The following RHOBTB2 variants were observed in gnomAD, a reference collection of about 807,000 sequenced individuals.
RHOBTB2 encodes the protein Rho related BTB domain containing 2.
A neutral mutation model predicts 66.5 loss-of-function variants in RHOBTB2; 39 were observed. That is an observed-to-expected ratio of 0.59 (90% CI 0.45 to 0.77). RHOBTB2 has a LOEUF of 0.77. Among genes scored for constraint, RHOBTB2 ranks in the 30% least tolerant of loss-of-function variants. RHOBTB2 has a pLI of 0.00. For missense variants in RHOBTB2, 755 were observed against 999.1 expected (o/e 0.76, Z 3.29); for synonymous variants, 390 against 395.0 (o/e 0.99, Z 0.15).
chr8:22,997,427 A>G (rs1810603494), upstream of RHOBTB2, among the ~76,000 whole-genome samples: 1 of 152,108 alleles, frequency 6.6e-6, no homozygotes, highest in South Asian at 2.1e-4. Flanking sequence ...TCTGCCTGAA[A>G]CAGTTCACTG....
At chr8:22,954,457 T>A in the RHOBTB2 span, among the ~76,000 whole-genome samples, 3 of 152,260 alleles carry the variant, frequency 2.0e-5, no homozygotes, top group African/African-American at 7.2e-5. Context: ...CCTGGAAGAA[T>A]GAGCTCTAAG....
the RHOBTB2 span, among the ~76,000 whole-genome samples, chr8:22,971,681 T>C: frequency 6.6e-6 from 1 of 152,196 alleles, no homozygotes; most frequent in Non-Finnish European, 1.5e-5. Context: ...TACTCTCCCT[T>C]GAAATGCTCA....
At chr8:23,015,566 C>A (rs1374276334) in intron 8 of RHOBTB2, 72 bp from the exon 9 acceptor site, 1 of 1,043,476 alleles carries the variant, frequency 9.6e-7, no homozygotes. Flanking sequence ...GCTCTGAAGG[C>A]AGCTGGAGGT....
chr8:22,979,951 G>T, the RHOBTB2 span, among the ~76,000 whole-genome samples: 1 of 151,642 alleles, frequency 6.6e-6, no homozygotes, highest in African/African-American at 2.4e-5. Context: ...GTAGAGACGG[G>T]GTTTCACCAC....
chr8:22,974,194 G>A, the RHOBTB2 span, among the ~76,000 whole-genome samples: 1 of 152,164 alleles, frequency 6.6e-6, no homozygotes, highest in Non-Finnish European at 1.5e-5. Flanking sequence ...GGAAAGGGCA[G>A]GGGAGACTGG....
rs1040327234 is a variant in RHOBTB2, at chr8:22,988,389, T to G, written c.-137+826T>G. Among the ~76,000 whole-genome samples, 5 of 152,016 alleles carry G rather than the reference T, an allele frequency of 3.3e-5. No individual in the cohort carries two copies. In the East Asian group the frequency reaches 7.7e-4, roughly 24 times the overall value. On this transcript the variant is annotated intron_variant, in intron 1 of 11. Coordinates refer to the RHOBTB2 transcript ENST00000519685. ...ATTGGCCACACTGGTTTCGAACTCCTGACCTCAAGTGACCCGCCCACCTCG... is the reference window on the plus strand; with the variant it reads ...ATTGGCCACACTGGTTTCGAACTCCGGACCTCAAGTGACCCGCCCACCTCG...
At chr8:22,951,380 T>C in the RHOBTB2 span, among the ~76,000 whole-genome samples, 2 of 151,566 alleles carry the variant, frequency 1.3e-5, no homozygotes, top group Admixed American at 1.3e-4. Flanking sequence ...GCCTCCTGAG[T>C]GTCACGCGCA....
At chr8:22,994,358 G>C (rs1393065374) in intron 2 of RHOBTB2, among the ~76,000 whole-genome samples, 3 of 152,190 alleles carry the variant, frequency 2.0e-5, no homozygotes, top group Non-Finnish European at 2.9e-5. Context: ...CTAGTCCCTT[G>C]ACTCCCTGGG....
In RHOBTB2 at chr8:23,007,701, C is replaced by T. The variant is rs1345323515; in HGVS notation, c.1456C>T (p.Arg486Trp). Reference sequence around the variant, plus strand: ...GATCACCAAGGCCTTCCACGTCCGCCGGACCAACCGGGTTAAGGAGTGCTT... The same window carrying T: ...GATCACCAAGGCCTTCCACGTCCGCTGGACCAACCGGGTTAAGGAGTGCTT... ...QEITKAFHVRRTNRVKECLAK... is the reference protein window; with the variant it reads ...QEITKAFHVRWTNRVKECLAK... The change falls in exon 5 of 10, where the codon CGG becomes TGG. Residue 486 changes from arginine to tryptophan, a missense_variant. Coordinates refer to ENST00000251822, the MANE Select transcript of RHOBTB2 (RefSeq NM_015178.3). The T allele has an allele frequency of 1.2e-6, 2 of 1,614,042 alleles. No individual in the cohort carries two copies. The highest frequency in any genetic ancestry group is 1.3e-5 in the African/African-American group (1 of 74,924).
At position 23,007,405 on chromosome 8, in the gene RHOBTB2, C is replaced by T; in HGVS notation, c.1160C>T (p.Ser387Phe). The T allele has an allele frequency of 6.2e-7, 1 of 1,614,160 alleles. No individual in the cohort carries two copies. The highest frequency in any genetic ancestry group is 8.5e-7 in the Non-Finnish European group (1 of 1,180,030). ...CTACCGGGCAGGGGTCGTGTGCTGT[C>T]TTCCTGGAGCCGAGCTTTTGTGAGC... ...GYLPGRGRVLSSWSRAFVSIQ... is the reference protein window; with the variant it reads ...GYLPGRGRVLFSWSRAFVSIQ... The change falls in exon 5 of 10, where the codon TCT (serine) becomes TTT (phenylalanine). Residue 387 changes from serine to phenylalanine, a missense_variant. Physicochemically the swap from Ser to Phe is radical, Grantham distance 155. This residue lies in a region of RHOBTB2 where 247 missense variants were observed against 238.9 expected (regional missense o/e 1.03). Transcript: ENST00000251822.
In RHOBTB2 at chr8:23,018,384, C is replaced by T. The variant is rs756214098; in HGVS notation, c.*915C>T. 3.6e-4 allele frequency: 55 copies of T among 152,628 alleles called. No homozygotes were observed. The highest frequency in any genetic ancestry group is 1.3e-3 in the African/African-American group (54 of 41,564). The allele number at this position is 152,628 out of a possible 1,614,324, so 9.5% of individuals were successfully genotyped here. A position where few individuals can be genotyped will look rare whatever the true frequency, so the allele number is the denominator to read the frequency against. ...AATGACAACCAAACTGAAACCGAAA[C>T]GAAAAATCAACAAACACTCTGTCCT... On this transcript the variant is annotated 3_prime_UTR_variant, in exon 10 of 10. Transcript: ENST00000251822.
upstream of RHOBTB2, among the ~76,000 whole-genome samples, chr8:22,996,140 G>C (rs181900868): frequency 1.7e-4 from 26 of 152,352 alleles, no homozygotes; most frequent in East Asian, 5.0e-3. Flanking sequence ...CAGGAAAACA[G>C]CAGCCGCGTG....
intron 1 of RHOBTB2, among the ~76,000 whole-genome samples, chr8:23,001,038 C>T (rs908645690): frequency 1.3e-5 from 2 of 152,094 alleles, no homozygotes; most frequent in East Asian, 1.9e-4. Flanking sequence ...AGGTTTGTAG[C>T]TAATTTCAGC....
At chr8:22,986,032 T>A (rs12676638), upstream of RHOBTB2, among the ~76,000 whole-genome samples, 7,551 of 151,992 alleles carry the variant, frequency 0.05, 362 homozygotes, top group East Asian at 0.22. Flanking sequence ...AAGTAAGAGA[T>A]GGGAAAAGTA....
At chr8:22,982,574 A>T (rs150768104), upstream of RHOBTB2, among the ~76,000 whole-genome samples, 13 of 152,326 alleles carry the variant, frequency 8.5e-5, no homozygotes, top group African/African-American at 3.1e-4. Context: ...GTGAGCTGAG[A>T]TGACACCATT....
In RHOBTB2 at chr8:23,007,109, T is replaced by C. The variant is rs2466178; in HGVS notation, c.864T>C (p.Ser288=). The C allele has an allele frequency of 0.84, 1,353,107 of 1,609,980 alleles. 569,520 individuals carry two copies. Among genetic ancestry groups the C allele is most frequent in the East Asian group, 0.96 (43,017 of 44,840 alleles). Residue 288 remains serine (S), a synonymous_variant, in exon 5 of 10, where the codon TCT becomes TCC. Coordinates refer to ENST00000251822, the MANE Select transcript of RHOBTB2 (RefSeq NM_015178.3). ...IFAHKIYLST[S]SSKFYDLFLM... The stretch of plus-strand genomic sequence containing the variant: ...CCCACAAGATCTACCTCTCCACCTC[T>C]TCCTCCAAGTTCTATGACCTGTTCC...
At chr8:22,983,307 C>A (rs1221587572), upstream of RHOBTB2, among the ~76,000 whole-genome samples, 1 of 150,308 alleles carries the variant, frequency 6.7e-6, no homozygotes, top group Non-Finnish European at 1.5e-5. Flanking sequence ...TTACCTTGAT[C>A]CAGTGAAAGA....
chr8:22,964,904 C>G, the RHOBTB2 span, among the ~76,000 whole-genome samples: 1 of 151,992 alleles, frequency 6.6e-6, no homozygotes, highest in South Asian at 2.1e-4. Flanking sequence ...GCAACCTCCA[C>G]CTCCTGGGTT....
intron 7 of RHOBTB2, among the ~76,000 whole-genome samples, chr8:23,014,054 G>A (rs911375477): frequency 1.2e-4 from 18 of 152,270 alleles, no homozygotes; most frequent in African/African-American, 4.3e-4. Context: ...TGGTATTTGT[G>A]TGCACTAGGA....
Sources: gnomAD v4.1 joint callset for allele counts (sites outside exome capture counted in the v4.1 genomes callset) on GRCh38, gnomAD v4.1.1 for gene constraint, gnomAD v4.1.1 regional missense constraint, MANE v1.5 for transcripts, NCBI Gene and HGNC (gene_info 2026-07-23, HGNC 2026-07-21) for gene names.